The following AFF1 variants were observed in gnomAD, a reference collection of about 807,000 sequenced individuals.
The protein encoded by AFF1 is AF4/FMR2 family member 1.
Under a neutral mutation model 121.7 loss-of-function variants are expected in AFF1, and 48 were observed. That is an observed-to-expected ratio of 0.39 (90% CI 0.31 to 0.50). AFF1 has a LOEUF of 0.50. AFF1 is among the 20% of genes least tolerant of loss of function. The pLI is 0.76. For missense variants in AFF1, 1,523 were observed against 1,511.7 expected (o/e 1.01, Z -0.12); for synonymous variants, 613 against 563.0 (o/e 1.09, Z -1.26).
At chr4:87,081,721 T>A (rs1723200129) in intron 4 of AFF1, among the ~76,000 whole-genome samples, 1 of 152,158 alleles carries the variant, frequency 6.6e-6, no homozygotes, top group African/African-American at 2.4e-5. Context: ...ACACCTTCAC[T>A]CCCATAATGG....
intron 2 of AFF1, among the ~76,000 whole-genome samples, chr4:87,004,767 A>C (rs1725966858): frequency 1.3e-5 from 2 of 152,186 alleles, no homozygotes; most frequent in African/African-American, 2.4e-5. Context: ...TTCTCTATTC[A>C]ATTTGTTGCA....
intron 2 of AFF1, among the ~76,000 whole-genome samples, chr4:86,990,843 T>C (rs549027752): frequency 2.0e-5 from 3 of 152,328 alleles, no homozygotes; most frequent in Admixed American, 6.5e-5. Flanking sequence ...ATCTGCTTAT[T>C]TGAGCTTGTT....
chr4:87,139,256 T>C lies in AFF1; in HGVS notation c.*3555T>C. 1 of 232,878 alleles carries C rather than the reference T, an allele frequency of 4.3e-6. No homozygotes were observed. Among genetic ancestry groups the C allele is most frequent in the African/African-American group, 2.2e-5 (1 of 45,458 alleles). 14.4% of individuals were successfully genotyped at this position (232,878 alleles called of 1,614,324 possible). ...GGGATGCTACATGGCTCTTGCACCTTTTACTCCTCTGCTTTATGAAGTTTG... is the reference window on the plus strand; with the variant it reads ...GGGATGCTACATGGCTCTTGCACCTCTTACTCCTCTGCTTTATGAAGTTTG... On this transcript the variant is annotated 3_prime_UTR_variant, in exon 21 of 21. Coordinates refer to ENST00000395146, the MANE Select transcript of AFF1 (RefSeq NM_001166693.3).
chr4:87,093,584 T>G (rs1331860138), intron 7 of AFF1, among the ~76,000 whole-genome samples: 1 of 152,164 alleles, frequency 6.6e-6, no homozygotes, highest in African/African-American at 2.4e-5. Context: ...CCCTGTGGAA[T>G]TTAGAACCCA....
At chr4:86,974,961 C>T (rs1177003739) in intron 2 of AFF1, among the ~76,000 whole-genome samples, 3 of 152,096 alleles carry the variant, frequency 2.0e-5, no homozygotes, top group African/African-American at 4.8e-5. Context: ...CCCCTGTGTC[C>T]GTGCTATAAA....
intron 2 of AFF1, among the ~76,000 whole-genome samples, chr4:86,969,724 C>T (rs961642628): frequency 2.0e-5 from 3 of 151,060 alleles, no homozygotes; most frequent in Non-Finnish European, 3.0e-5. Flanking sequence ...ACTAACAATA[C>T]AAAAAATGAG....
rs547118784 is a variant in AFF1 at position 87,067,020 on chromosome 4, G to A, written c.1060-17100G>A. Among the ~76,000 whole-genome samples the A allele has an allele frequency of 5.9e-4, 90 of 152,308 alleles. No homozygotes were observed. In the Middle Eastern group the frequency reaches 0.014, roughly 23 times the overall value. On this transcript the variant is annotated intron_variant, in intron 4 of 20. Transcript: ENST00000395146. ...AGAGGAGGAGATGTAATCAAAGATT[G>A]TACTATACAATTATTAAAAGTTACA...
At chr4:86,993,952 G>A (rs1351105521) in intron 2 of AFF1, among the ~76,000 whole-genome samples, 1 of 151,962 alleles carries the variant, frequency 6.6e-6, no homozygotes, top group African/African-American at 2.4e-5. Context: ...GAGACAGAGC[G>A]AGACTCCGTC....
chr4:87,086,802 A>G (rs1723784477), intron 5 of AFF1, among the ~76,000 whole-genome samples: 1 of 152,214 alleles, frequency 6.6e-6, no homozygotes, highest in Admixed American at 6.5e-5. Flanking sequence ...TAAGATTGCC[A>G]GGAATCCAAA....
intron 2 of AFF1, among the ~76,000 whole-genome samples, chr4:86,997,796 T>C (rs898627861): frequency 1.4e-5 from 2 of 144,958 alleles, no homozygotes; most frequent in African/African-American, 2.5e-5. Flanking sequence ...GAGAAAAGGA[T>C]AGAAAAAAAC....
intron 2 of AFF1, chr4:86,973,755 CTTTT>C (rs768614494): frequency 6.6e-6 from 1 of 151,648 alleles, no homozygotes; most frequent in Non-Finnish European, 1.5e-5. Flanking sequence ...CTTTTCCTTT[CTTTT>C]TTTTCTTTTC....
rs180684752 is a variant in AFF1, at chr4:87,105,782, T to G, written c.1339-26T>G. ...CTGTTTTTTGTTCTTTTCCTGGTCT[T>G]TCTTCCCCTTATTGTGAATGCCTAG... On this transcript the variant is annotated intron_variant, in intron 9 of 20. Coordinates refer to ENST00000395146, the MANE Select transcript of AFF1 (RefSeq NM_001166693.3). 194 of 1,614,142 alleles carry G rather than the reference T, an allele frequency of 1.2e-4. No individual in the cohort carries two copies. The highest frequency in any genetic ancestry group is 7.8e-4 in the Admixed American group (47 of 60,022).
chr4:86,980,302 T>G (rs918624346), intron 2 of AFF1, among the ~76,000 whole-genome samples: 2 of 151,206 alleles, frequency 1.3e-5, no homozygotes, highest in African/African-American at 4.9e-5. Flanking sequence ...AGCAAAAGAG[T>G]GGAAAAATCT....
At position 87,108,214 on chromosome 4, in the gene AFF1, T is replaced by A; in HGVS notation, c.1432T>A (p.Ser478Thr). Residue 478 changes from serine (S) to threonine (T), a missense_variant, in exon 11 of 21, where the codon TCA becomes ACA. By Grantham distance (58) the Ser-to-Thr change is moderately conservative. Transcript: ENST00000395146. ...ATCAGCACATTCCAGCAGTGCAGAG[T>A]CAGAAAGCACCAGTGACTCAGACAG... ...VASAHSSSAE[S>T]ESTSDSDSSS... 1 of 1,613,934 alleles carries A rather than the reference T, an allele frequency of 6.2e-7. No homozygotes were observed.
chr4:87,068,033 A>G (rs1490778798), intron 4 of AFF1, among the ~76,000 whole-genome samples: 1 of 151,842 alleles, frequency 6.6e-6, no homozygotes, highest in Non-Finnish European at 1.5e-5. Context: ...TTTAATATTA[A>G]CAAGTAACCT....
intron 2 of AFF1, among the ~76,000 whole-genome samples, chr4:86,959,072 C>G (rs1212256896): frequency 6.6e-6 from 1 of 152,164 alleles, no homozygotes; most frequent in African/African-American, 2.4e-5. Flanking sequence ...TATTAAACAT[C>G]TACAATGCAC....
At chr4:87,033,398 T>C (rs1223666138) in intron 2 of AFF1, among the ~76,000 whole-genome samples, 1 of 152,206 alleles carries the variant, frequency 6.6e-6, no homozygotes, top group East Asian at 1.9e-4. Context: ...GTGGTGCAAT[T>C]GGTTCTCTGG....
intron 11 of AFF1, among the ~76,000 whole-genome samples, chr4:87,110,571 T>G (rs1182609818): frequency 6.6e-6 from 1 of 152,046 alleles, no homozygotes; most frequent in Admixed American, 6.6e-5. Flanking sequence ...CTCCATGAGT[T>G]CAATTGTTTG....
chr4:86,961,592 G>T lies in AFF1; in HGVS notation c.38+13021G>T, dbSNP rs370112095. On this transcript the variant is annotated intron_variant, in intron 2 of 20. Transcript: ENST00000395146. ...GCATAGTGGGGGTGTGGGAAGGGGG[G>T]GCTGAGTGATGGGAATAGGGGTCAC... Among the ~76,000 whole-genome samples, 22 of 151,656 alleles carry T rather than the reference G, an allele frequency of 1.5e-4. No individual in the cohort carries two copies. The East Asian group carries it at 2.5e-3, about 17-fold the overall frequency.
Sources: gnomAD v4.1 joint callset for allele counts (sites outside exome capture counted in the v4.1 genomes callset) on GRCh38, gnomAD v4.1.1 for gene constraint, MANE v1.5 for transcripts, NCBI Gene and HGNC (gene_info 2026-07-23, HGNC 2026-07-21) for gene names.